Variants in SEC24B observed in about 807,000 individuals in gnomAD.
SEC24B encodes the protein SEC24 homolog B, COPII component, also known as protein transport protein Sec24B.
A neutral mutation model predicts 142.8 loss-of-function variants in SEC24B; 45 were observed. The observed-to-expected ratio is 0.32, with a 90% CI of 0.25 to 0.40. The LOEUF (loss-of-function observed/expected upper bound fraction) is 0.40. Ranked by LOEUF, SEC24B falls within the 10% of genes least tolerant of loss-of-function variation. The pLI, the probability that SEC24B is intolerant of heterozygous loss-of-function variation, is 1.00. For synonymous variants in SEC24B, 574 were observed against 568.2 expected (o/e 1.01, Z -0.15); for missense variants, 1,409 against 1,526.8 (o/e 0.92, Z 1.29).
In SEC24B at chr4:109,532,316, T is replaced by C. The variant is rs140780396; in HGVS notation, c.3391-323T>C. ...AATTAGTATTCCAAACATAATGTTA[T>C]GTTGCCAAAGAAATGTAAAAAAAAA... On this transcript the variant is annotated intron_variant, in intron 20 of 23. Transcript: ENST00000265175. 3.8e-3 allele frequency among the ~76,000 whole-genome samples: 585 copies of C among 152,182 alleles called. 1 individual carries two copies. Among genetic ancestry groups the C allele is most frequent in the Non-Finnish European group, 6.8e-3 (461 of 67,984 alleles).
At chr4:109,523,486 CAATAAT>C (rs894093709) in intron 14 of SEC24B, among the ~76,000 whole-genome samples, 4 of 151,586 alleles carry the variant, frequency 2.6e-5, no homozygotes, top group Admixed American at 1.3e-4. Context: ...AAAAGAAAAA[CAATAAT>C]AATAATAACA....
chr4:109,455,736 C>G (rs1013430977), intron 1 of SEC24B, among the ~76,000 whole-genome samples: 6 of 152,130 alleles, frequency 3.9e-5, no homozygotes, highest in African/African-American at 1.4e-4. Context: ...TAGACTGTTG[C>G]ATTCTGTGTA....
chr4:109,440,120 CAAA>C (rs765506866), intron 1 of SEC24B, among the ~76,000 whole-genome samples: 6 of 92,588 alleles, frequency 6.5e-5, no homozygotes, highest in African/African-American at 8.3e-5. Context: ...GACTTCGTCG[CAAA>C]AAAAAAAAAA....
intron 16 of SEC24B, among the ~76,000 whole-genome samples, chr4:109,525,841 C>T (rs1724163943): frequency 6.6e-6 from 1 of 152,050 alleles, no homozygotes; most frequent in African/African-American, 2.4e-5. Flanking sequence ...ATTTAATGTA[C>T]ACTTCCTTGG....
intron 6 of SEC24B, among the ~76,000 whole-genome samples, chr4:109,504,924 A>G (rs879304890): frequency 2.6e-5 from 4 of 152,148 alleles, no homozygotes; most frequent in Non-Finnish European, 5.9e-5. Flanking sequence ...TGTAAAAAGA[A>G]ATGCAGAAGG....
chr4:109,465,267 A>C (rs373975474), intron 2 of SEC24B, among the ~76,000 whole-genome samples: 1 of 152,356 alleles, frequency 6.6e-6, no homozygotes, highest in South Asian at 2.1e-4. Context: ...CTGGCTGTCT[A>C]CCAGAATCAC....
intron 4 of SEC24B, among the ~76,000 whole-genome samples, chr4:109,487,048 C>T (rs1734432938): frequency 6.6e-6 from 1 of 151,604 alleles, no homozygotes; most frequent in African/African-American, 2.4e-5. Context: ...GTCTGTAATC[C>T]CAGCTGCTTT....
intron 16 of SEC24B, 65 bp from the exon 17 acceptor site, chr4:109,526,160 AG>A (rs1724199110): frequency 4.1e-6 from 6 of 1,467,158 alleles, no homozygotes; most frequent in Non-Finnish European, 5.6e-6. Context: ...GACTTAAAAA[AG>A]TAACTTTAGC....
intron 1 of SEC24B, among the ~76,000 whole-genome samples, chr4:109,447,065 A>G (rs150154652): frequency 1.6e-4 from 25 of 152,148 alleles, no homozygotes; most frequent in African/African-American, 6.0e-4. Context: ...GTAGGATTAG[A>G]GAATGTTTTC....
intron 14 of SEC24B, among the ~76,000 whole-genome samples, chr4:109,523,125 CTTAGGAGTTCT>C (rs1723834468): frequency 6.6e-6 from 1 of 151,996 alleles, no homozygotes; most frequent in Non-Finnish European, 1.5e-5. Flanking sequence ...ATCATTTGAG[CTTAGGAGTTCT>C]AAACCAGCTT....
chr4:109,514,381 A>G (rs752517786), intron 10 of SEC24B, among the ~76,000 whole-genome samples: 1 of 152,178 alleles, frequency 6.6e-6, no homozygotes. Flanking sequence ...TCGTTATCAT[A>G]TCTTCTCTTT....
chr4:109,501,908 G>A (rs1225083201), intron 6 of SEC24B, among the ~76,000 whole-genome samples: 3 of 152,240 alleles, frequency 2.0e-5, no homozygotes, highest in Admixed American at 6.5e-5. Context: ...TCTTAAGAAG[G>A]TTGGTGGGAG....
chr4:109,481,768 GGAT>G lies in SEC24B; in HGVS notation c.1155_1157del (p.Asp385del), dbSNP rs1262352990. 2.5e-6 allele frequency: 4 copies of G among 1,612,342 alleles called. No individual in the cohort carries two copies. The highest frequency in any genetic ancestry group is 3.4e-6 in the Non-Finnish European group (4 of 1,178,590). ...CCGATGATGAGGAAGAGGAGGAGGA[GGAT>G]GAGGAAGCAGGTCTGCTTTAGCTTT... On this transcript the variant is annotated inframe_deletion, in exon 4 of 24. Coordinates refer to ENST00000265175, the MANE Select transcript of SEC24B (RefSeq NM_006323.5).
intron 3 of SEC24B, 128 bp from the exon 4 acceptor site, chr4:109,481,549 A>G (rs1260706450): frequency 1.5e-6 from 1 of 645,774 alleles, no homozygotes; most frequent in Non-Finnish European, 2.7e-6. Context: ...ATTTGCTAAT[A>G]TTAATATGCA....
chr4:109,475,988 CTCTT>C (rs1471822745), intron 3 of SEC24B, among the ~76,000 whole-genome samples: 1 of 137,174 alleles, frequency 7.3e-6, no homozygotes, highest in Non-Finnish European at 1.5e-5. Context: ...TTTTCTCTCT[CTCTT>C]TTTTTTTTTT....
At chr4:109,498,418 C>T (rs1010577211) in intron 6 of SEC24B, among the ~76,000 whole-genome samples, 4 of 152,208 alleles carry the variant, frequency 2.6e-5, no homozygotes, top group East Asian at 3.9e-4. Context: ...AGTTCATTGG[C>T]GCAATCTCGG....
chr4:109,456,214 T>C (rs1730650061), intron 1 of SEC24B, among the ~76,000 whole-genome samples: 1 of 152,124 alleles, frequency 6.6e-6, no homozygotes, highest in East Asian at 1.9e-4. Flanking sequence ...TTCTTGTATA[T>C]TGACCTTATA....
intron 11 of SEC24B, among the ~76,000 whole-genome samples, chr4:109,517,210 G>T (rs924568352): frequency 3.9e-5 from 6 of 152,134 alleles, no homozygotes; most frequent in Non-Finnish European, 5.9e-5. Context: ...CAAGAGTCAG[G>T]ATACATAATC....
At chr4:109,490,304 C>T (rs1028172065) in intron 4 of SEC24B, among the ~76,000 whole-genome samples, 12 of 151,982 alleles carry the variant, frequency 7.9e-5, no homozygotes, top group African/African-American at 1.9e-4. Context: ...TGCCCTGAGT[C>T]GGTATACCTG....
Sources: allele counts gnomAD v4.1 joint callset (sites outside exome capture counted in the v4.1 genomes callset), GRCh38; gene constraint gnomAD v4.1.1; transcripts MANE v1.5; gene names NCBI Gene and HGNC (gene_info 2026-07-23, HGNC 2026-07-21).